Variants in CTNNAL1 observed in about 807,000 individuals in gnomAD.
CTNNAL1 encodes catenin alpha like 1.
Under a neutral mutation model 93.6 loss-of-function variants are expected in CTNNAL1, and 69 were observed. That is an observed-to-expected ratio of 0.74 (90% CI 0.61 to 0.90). The LOEUF (loss-of-function observed/expected upper bound fraction) is 0.90, where lower values mean the gene tolerates loss of function less well. Ranked by LOEUF, CTNNAL1 falls within the 40% of genes least tolerant of loss-of-function variation. The pLI, the probability that CTNNAL1 is intolerant of heterozygous loss-of-function variation, is 0.00. For synonymous variants in CTNNAL1, 286 were observed against 305.4 expected (o/e 0.94, Z 0.66); for missense variants, 836 against 862.0 (o/e 0.97, Z 0.38).
intron 1 of CTNNAL1, among the ~76,000 whole-genome samples, chr9:109,007,097 G>A (rs1827050867): frequency 6.6e-6 from 1 of 151,962 alleles, no homozygotes; most frequent in African/African-American, 2.4e-5. Flanking sequence ...CTTGATGTAA[G>A]GTGCCTGGGT....
chr9:108,947,003 A>G (rs1469954586), intron 15 of CTNNAL1, among the ~76,000 whole-genome samples: 1 of 152,056 alleles, frequency 6.6e-6, no homozygotes, highest in Non-Finnish European at 1.5e-5. Flanking sequence ...CAGAAGACAC[A>G]TTTTCTATAA....
intron 1 of CTNNAL1, among the ~76,000 whole-genome samples, chr9:109,004,622 C>T (rs1014007035): frequency 1.3e-5 from 2 of 151,974 alleles, no homozygotes; most frequent in African/African-American, 4.8e-5. Flanking sequence ...CCCATCTCTA[C>T]TAGAAGTACA....
intron 4 of CTNNAL1, among the ~76,000 whole-genome samples, chr9:108,987,744 C>T (rs527903554): frequency 3.3e-5 from 5 of 152,326 alleles, no homozygotes; most frequent in African/African-American, 4.8e-5. Context: ...AGGTCCTTCA[C>T]GTCCCTTGTA....
At chr9:108,952,415 G>A in intron 13 of CTNNAL1, 29 bp downstream of exon 13, 1 of 1,614,146 alleles carries the variant, frequency 6.2e-7, no homozygotes, top group Admixed American at 1.7e-5. Context: ...TCATGTTAAA[G>A]GAAGATTAGA....
chr9:108,993,915 T>A (rs1242324850), intron 2 of CTNNAL1, among the ~76,000 whole-genome samples: 11 of 151,862 alleles, frequency 7.2e-5, no homozygotes, highest in Admixed American at 6.6e-4. Context: ...GGCCACAGGG[T>A]GAAGTATAAG....
chr9:108,984,502 T>G, intron 4 of CTNNAL1, 66 bp from the exon 5 acceptor site: 3 of 854,482 alleles, frequency 3.5e-6, no homozygotes, highest in Non-Finnish European at 5.8e-6. Context: ...CTTAAAAAAG[T>G]ATTTATTCAA....
intron 4 of CTNNAL1, among the ~76,000 whole-genome samples, chr9:108,990,383 C>T (rs1831753947): frequency 6.6e-6 from 1 of 152,090 alleles, no homozygotes. Context: ...CATATGATGA[C>T]TCAATTTTAT....
intron 1 of CTNNAL1, among the ~76,000 whole-genome samples, chr9:109,007,342 C>T (rs550086500): frequency 3.3e-5 from 5 of 152,270 alleles, no homozygotes; most frequent in African/African-American, 9.6e-5. Context: ...ATAACTGCAA[C>T]AAGAATCCTG....
At position 109,013,284 on chromosome 9, in the gene CTNNAL1, C is replaced by A. The variant is rs942634420; in HGVS notation, c.141+18G>T. 5 of 1,481,710 alleles carry A rather than the reference C, an allele frequency of 3.4e-6. No homozygotes were observed. The highest frequency in any genetic ancestry group is 4.5e-6 in the Non-Finnish European group (5 of 1,115,590). 91.8% of individuals were successfully genotyped at this position (1,481,710 alleles called of 1,614,324 possible). ...GCGGCGGGAAGGAGAAGAGGGGCCG[C>A]GCCAGGCGCCACTTTACCTGAGAAA... On this transcript the variant is annotated intron_variant, in intron 1 of 18. Transcript: ENST00000325551.
intron 2 of CTNNAL1, among the ~76,000 whole-genome samples, chr9:108,997,126 C>G (rs1446245708): frequency 6.6e-6 from 1 of 152,008 alleles, no homozygotes; most frequent in Non-Finnish European, 1.5e-5. Context: ...ATAAGGATAT[C>G]CCCCCCTGCT....
chr9:108,986,586 C>A (rs1831615343), intron 4 of CTNNAL1, among the ~76,000 whole-genome samples: 1 of 151,476 alleles, frequency 6.6e-6, no homozygotes. Flanking sequence ...AGTTCTAGAT[C>A]CCTGAGGAAT....
chr9:109,012,822 C>A (rs536626885), intron 1 of CTNNAL1, among the ~76,000 whole-genome samples: 1 of 152,250 alleles, frequency 6.6e-6, no homozygotes, highest in Admixed American at 6.5e-5. Flanking sequence ...GCGGGGAGGC[C>A]GGGAGGAATA....
At chr9:109,002,831 A>G (rs897139634) in intron 1 of CTNNAL1, among the ~76,000 whole-genome samples, 1 of 151,294 alleles carries the variant, frequency 6.6e-6, no homozygotes, top group African/African-American at 2.4e-5. Flanking sequence ...TAAAAAAAAA[A>G]AAAAGAAAAA....
intron 2 of CTNNAL1, among the ~76,000 whole-genome samples, chr9:108,995,565 G>T (rs1233071438): frequency 6.6e-6 from 1 of 152,110 alleles, no homozygotes; most frequent in African/African-American, 2.4e-5. Flanking sequence ...AGCTTCACAG[G>T]TATCATTTTT....
intron 4 of CTNNAL1, 46 bp downstream of exon 4, chr9:108,990,680 A>C: frequency 6.3e-7 from 1 of 1,579,290 alleles, no homozygotes; most frequent in Non-Finnish European, 8.6e-7. Flanking sequence ...TCCAAACTAA[A>C]AAGTATGTAT....
rs112095252 is a variant in CTNNAL1, at chr9:108,942,941, A to C, written c.2139+20T>G. The C allele has an allele frequency of 3.1e-6, 5 of 1,610,892 alleles. No individual in the cohort carries two copies. The highest frequency in any genetic ancestry group is 2.7e-5 in the African/African-American group (2 of 74,762). On this transcript the variant is annotated intron_variant, in intron 18 of 18. Transcript: ENST00000325551. ...AACCATTTTTTAAAGTATGAGTCTA[A>C]AATAGAAAAACTACCTCACCTTCTT...
intron 7 of CTNNAL1, 78 bp downstream of exon 7, chr9:108,979,203 T>C (rs370786738): frequency 2.4e-5 from 37 of 1,542,160 alleles, no homozygotes; most frequent in Middle Eastern, 1.8e-4. Context: ...CTGGTGATTA[T>C]GTAACTTCCA....
chr9:108,963,933 T>C (rs1279579377), intron 11 of CTNNAL1, among the ~76,000 whole-genome samples: 1 of 152,200 alleles, frequency 6.6e-6, no homozygotes, highest in East Asian at 1.9e-4. Flanking sequence ...AGGGAAAAGC[T>C]TGCCTAACAC....
chr9:108,976,275 G>A (rs535118687), intron 8 of CTNNAL1, among the ~76,000 whole-genome samples: 2 of 152,034 alleles, frequency 1.3e-5, no homozygotes, highest in South Asian at 4.1e-4. Context: ...AATCATTTGT[G>A]CCTGGCTTCT....
Sources: gnomAD v4.1 joint callset for allele counts (sites outside exome capture counted in the v4.1 genomes callset) on GRCh38, gnomAD v4.1.1 for gene constraint, MANE v1.5 for transcripts, NCBI Gene and HGNC (gene_info 2026-07-23, HGNC 2026-07-21) for gene names.